ABTB2: variants seen among roughly 807,000 people sequenced by gnomAD.
ABTB2 encodes the protein ankyrin repeat and BTB domain containing 2.
ABTB2 carries 56 observed loss-of-function variants against 104.1 expected under a neutral mutation model. The observed-to-expected ratio is 0.54, with a 90% CI of 0.43 to 0.67. The LOEUF is 0.67. Among genes scored for constraint, ABTB2 ranks in the 30% least tolerant of loss-of-function variants. ABTB2 has a pLI of 0.00. For missense variants in ABTB2, 1,279 were observed against 1,407.7 expected (o/e 0.91, Z 1.46); for synonymous variants, 606 against 608.2 (o/e 1.00, Z 0.05).
At chr11:34,315,182 G>A (rs559907518) in intron 1 of ABTB2, among the ~76,000 whole-genome samples, 3 of 152,312 alleles carry the variant, frequency 2.0e-5, no homozygotes, top group South Asian at 2.1e-4. Flanking sequence ...AAACAAGCAC[G>A]CCTGGCATTT....
At chr11:34,234,354 C>T (rs1419244180) in intron 1 of ABTB2, among the ~76,000 whole-genome samples, 1 of 152,200 alleles carries the variant, frequency 6.6e-6, no homozygotes, top group African/African-American at 2.4e-5. Context: ...ATTCTCCCCT[C>T]CCTGGCCTTT....
intron 1 of ABTB2, among the ~76,000 whole-genome samples, chr11:34,270,426 G>A (rs908220365): frequency 1.4e-5 from 2 of 147,346 alleles, no homozygotes; most frequent in Non-Finnish European, 3.0e-5. Context: ...TGCAACCTCC[G>A]CCTGCTGGGT....
At chr11:34,245,676 A>C (rs1244689685) in intron 1 of ABTB2, among the ~76,000 whole-genome samples, 3 of 152,098 alleles carry the variant, frequency 2.0e-5, no homozygotes, top group Admixed American at 6.6e-5. Flanking sequence ...CACCTTCCAG[A>C]CCACGGCACA....
chr11:34,201,015 A>G (rs1361640287), intron 2 of ABTB2, among the ~76,000 whole-genome samples: 1 of 152,116 alleles, frequency 6.6e-6, no homozygotes, highest in African/African-American at 2.4e-5. Flanking sequence ...CACATGTCTT[A>G]TTTCCTTTTT....
intron 3 of ABTB2, among the ~76,000 whole-genome samples, chr11:34,188,939 T>TA (rs909756471): frequency 2.0e-5 from 3 of 152,140 alleles, no homozygotes; most frequent in African/African-American, 7.2e-5. Context: ...TTCCCCACCT[T>TA]AGGAAGCAGG....
At chr11:34,234,983 A>G (rs1469585489) in intron 1 of ABTB2, among the ~76,000 whole-genome samples, 4 of 152,006 alleles carry the variant, frequency 2.6e-5, no homozygotes, top group African/African-American at 9.7e-5. Flanking sequence ...TCAGCCTCCC[A>G]AGTAGCTAGG....
intron 1 of ABTB2, among the ~76,000 whole-genome samples, chr11:34,220,515 T>C (rs2133050158): frequency 6.6e-6 from 1 of 152,310 alleles, no homozygotes; most frequent in Admixed American, 6.5e-5. Flanking sequence ...GACATACTGT[T>C]TGAAGAAGGT....
At chr11:34,308,868 CA>C (rs57658114) in intron 1 of ABTB2, among the ~76,000 whole-genome samples, 820 of 77,788 alleles carry the variant, frequency 0.011, 5 homozygotes, top group African/African-American at 0.013. Context: ...GAAACTGTCT[CA>C]AAAAAAAAAA....
chr11:34,222,940 CCTT>C (rs1470249592), intron 1 of ABTB2, among the ~76,000 whole-genome samples: 1 of 152,210 alleles, frequency 6.6e-6, no homozygotes, highest in African/African-American at 2.4e-5. Flanking sequence ...CTGGGGAGCA[CCTT>C]CTTCTTGCTG....
chr11:34,154,121 C>G lies in ABTB2; in HGVS notation c.2880+144G>C. On this transcript the variant is annotated intron_variant, in intron 16 of 16. Coordinates refer to ENST00000435224, the MANE Select transcript of ABTB2 (RefSeq NM_145804.3). The surrounding 1 kb of genome is among the most constrained non-coding windows in gnomAD (Gnocchi z 4.9). The stretch of plus-strand genomic sequence containing the variant: ...CCCAGGCAACACAGGGAGTTGCTAA[C>G]CCTCCCTCAGCCTCTACACTGCCCT... 1 of 644,230 alleles carries G rather than the reference C, an allele frequency of 1.6e-6. No individual in the cohort carries two copies. The highest frequency in any genetic ancestry group is 1.8e-5 in the South Asian group (1 of 56,390). The allele number at this position is 644,230 out of a possible 1,614,324, so 39.9% of individuals were successfully genotyped here.
intron 1 of ABTB2, among the ~76,000 whole-genome samples, chr11:34,245,659 G>A (rs574346660): frequency 6.6e-6 from 1 of 152,244 alleles, no homozygotes; most frequent in Admixed American, 6.5e-5. Context: ...GTGGCTCACG[G>A]GGCTGCCACC....
chr11:34,224,266 T>G (rs372114214), intron 1 of ABTB2, among the ~76,000 whole-genome samples: 1 of 152,258 alleles, frequency 6.6e-6, no homozygotes, highest in South Asian at 2.1e-4. Flanking sequence ...TGCTTCGGCC[T>G]CCCAAAGTGC....
At chr11:34,209,076 T>C (rs934880953) in intron 1 of ABTB2, among the ~76,000 whole-genome samples, 1 of 152,222 alleles carries the variant, frequency 6.6e-6, no homozygotes, top group Non-Finnish European at 1.5e-5. Context: ...CTGGCCGTGG[T>C]GGCTCAGGCC....
chr11:34,160,019 C>T lies in ABTB2; in HGVS notation c.2504-11G>A, dbSNP rs773029237. ...TCAAAAAGTGTGGATCTGTGAAAAG[C>T]GGGGAGACAGAGGGATATGGCTGAG... On this transcript the variant is annotated splice_polypyrimidine_tract_variant and intron_variant, in intron 12 of 16. Coordinates refer to ENST00000435224, the MANE Select transcript of ABTB2 (RefSeq NM_145804.3). 4.5e-5 allele frequency: 72 copies of T among 1,605,006 alleles called. No individual in the cohort carries two copies. Among genetic ancestry groups the T allele is most frequent in the East Asian group, 2.2e-4 (10 of 44,862 alleles).
chr11:34,208,155 T>C (rs1338736318), intron 1 of ABTB2, among the ~76,000 whole-genome samples: 2 of 152,236 alleles, frequency 1.3e-5, no homozygotes, highest in South Asian at 4.1e-4. Context: ...TTACATTCTC[T>C]TAACACCTCG....
At chr11:34,269,304 C>T (rs1264116665) in intron 1 of ABTB2, among the ~76,000 whole-genome samples, 1 of 152,158 alleles carries the variant, frequency 6.6e-6, no homozygotes, top group African/African-American at 2.4e-5. Flanking sequence ...ATTCCTGGCT[C>T]TGTTGTTTAG....
At chr11:34,198,873 C>T (rs1350879024) in intron 2 of ABTB2, among the ~76,000 whole-genome samples, 1 of 152,210 alleles carries the variant, frequency 6.6e-6, no homozygotes, top group African/African-American at 2.4e-5. Context: ...CAGCCTCACC[C>T]CTGGCCATTC....
chr11:34,236,394 T>C (rs1853843891), intron 1 of ABTB2, among the ~76,000 whole-genome samples: 1 of 152,196 alleles, frequency 6.6e-6, no homozygotes, highest in Admixed American at 6.5e-5. Context: ...AGGACTCTCT[T>C]TAATGTGCCT....
At chr11:34,161,812 C>T (rs180741108) in intron 10 of ABTB2, among the ~76,000 whole-genome samples, 8 of 152,298 alleles carry the variant, frequency 5.3e-5, no homozygotes, top group East Asian at 3.9e-4. Flanking sequence ...CATTCCCCAG[C>T]GACACATTGA....
Sources: gnomAD v4.1 joint callset for allele counts (sites outside exome capture counted in the v4.1 genomes callset) on GRCh38, gnomAD v4.1.1 for gene constraint, Gnocchi (gnomAD v3.1) non-coding constraint, MANE v1.5 for transcripts, NCBI Gene and HGNC (gene_info 2026-07-23, HGNC 2026-07-21) for gene names.